The following RESF1 variants were observed in gnomAD, a reference collection of about 807,000 sequenced individuals.
RESF1 encodes the protein gonad expressed transcript.
RESF1 carries 65 observed loss-of-function variants against 134.7 expected under a neutral mutation model. The ratio of observed to expected loss-of-function variants is 0.48; its 90% CI spans 0.40 to 0.59. The LOEUF (loss-of-function observed/expected upper bound fraction) is 0.59. Ranked by LOEUF, RESF1 falls within the 20% of genes least tolerant of loss-of-function variation. RESF1 has a pLI of 0.00. For synonymous variants in RESF1, 762 were observed against 702.2 expected (o/e 1.09, Z -1.35); for missense variants, 2,274 against 2,002.7 (o/e 1.14, Z -2.59).
rs546718734 is a variant in RESF1, at chr12:31,973,013, T to A, written c.-79+2657T>A. ...TTTCTGTTTTTAATTTCTTTAACGATATTTTCACTGTATTTTTTGTAACTT... is the reference window on the plus strand; with the variant it reads ...TTTCTGTTTTTAATTTCTTTAACGAAATTTTCACTGTATTTTTTGTAACTT... On this transcript the variant is annotated intron_variant, in intron 3 of 5. Transcript: ENST00000312561. Among the ~76,000 whole-genome samples the A allele has an allele frequency of 3.3e-5, 5 of 152,288 alleles. No individual in the cohort carries two copies. In the South Asian group the frequency reaches 1.0e-3, roughly 32 times the overall value.
At chr12:31,975,604 C>A (rs12368692) in intron 3 of RESF1, among the ~76,000 whole-genome samples, 14,256 of 152,214 alleles carry the variant, frequency 0.094, 772 homozygotes, top group Non-Finnish European at 0.13. Context: ...GTAAGTATCA[C>A]CCTGGTCAAA....
chr12:31,984,535 A>G lies in RESF1; in HGVS notation c.3580A>G (p.Lys1194Glu), dbSNP rs759239156. 2.3e-5 allele frequency: 36 copies of G among 1,595,384 alleles called. No individual in the cohort carries two copies. The highest frequency in any genetic ancestry group is 3.1e-5 in the Non-Finnish European group (36 of 1,171,096). Residue 1194 changes from lysine to glutamate, a missense_variant, in exon 4 of 6, where the codon AAG (lysine) becomes GAG (glutamate). By Grantham distance (56) the Lys-to-Glu change is moderately conservative. Transcript: ENST00000312561. ...ACCCCAGTGTCAGTGTAATTCCATCAAGAACTCATCTTCAGAGGAAGAGAA... is the reference window on the plus strand; with the variant it reads ...ACCCCAGTGTCAGTGTAATTCCATCGAGAACTCATCTTCAGAGGAAGAGAA... ...GVPQCQCNSI[K>E]NSSSEEEKQK...
intron 2 of RESF1, among the ~76,000 whole-genome samples, chr12:31,962,093 G>A (rs796510512): frequency 2.6e-5 from 4 of 152,170 alleles, no homozygotes; most frequent in African/African-American, 9.6e-5. Context: ...AAAATTAGTC[G>A]GGCGTGGTGG....
At chr12:31,976,098 G>T (rs534564576) in intron 3 of RESF1, among the ~76,000 whole-genome samples, 1 of 152,252 alleles carries the variant, frequency 6.6e-6, no homozygotes, top group Non-Finnish European at 1.5e-5. Context: ...GTGGTATTGA[G>T]AGTTGAAAAA....
rs2166807 is a variant in RESF1, at chr12:31,981,704, T to A, written c.749T>A (p.Leu250Gln). Residue 250 changes from leucine (L) to glutamine (Q), a missense_variant, in exon 4 of 6, where the codon CTA (leucine) becomes CAA (glutamine). Coordinates refer to ENST00000312561, the MANE Select transcript of RESF1 (RefSeq NM_018169.4). ...TTGCAAGTTAAAAATAGTCAGCTTC[T>A]AAATTCTGTATTAACTTTACCATCA... ...TSLQVKNSQL[L>Q]NSVLTLPSRQ... The A allele has an allele frequency of 6.2e-7, 1 of 1,613,622 alleles. No individual in the cohort carries two copies. The highest frequency in any genetic ancestry group is 8.5e-7 in the Non-Finnish European group (1 of 1,180,012).
chr12:31,984,593 A>C lies in RESF1; in HGVS notation c.3638A>C (p.Asn1213Thr). The C allele has an allele frequency of 6.3e-7, 1 of 1,579,310 alleles. No homozygotes were observed. Among genetic ancestry groups the C allele is most frequent in the Non-Finnish European group, 8.6e-7 (1 of 1,167,132 alleles). ...QKEQCSPLDT[N>T]SCKQGERTSD... is the part of the protein sequence containing the mutation. ...GAGCAGTGTTCTCCTTTGGATACCA[A>C]CAGTTGTAAACAAGGAGAGAGAACT... Residue 1213 changes from asparagine to threonine, a missense_variant, in exon 4 of 6, where the codon AAC becomes ACC. Asn to Thr is a moderately conservative substitution (Grantham distance 65). Coordinates refer to ENST00000312561, the MANE Select transcript of RESF1 (RefSeq NM_018169.4).
chr12:31,982,966 G>A lies in RESF1; in HGVS notation c.2011G>A (p.Glu671Lys). 6.2e-7 allele frequency: 1 copy of A among 1,614,104 alleles called. No homozygotes were observed. The highest frequency in any genetic ancestry group is 1.7e-5 in the Admixed American group (1 of 60,018). Residue 671 changes from glutamate (E) to lysine (K), a missense_variant, in exon 4 of 6, where the codon GAA (glutamate) becomes AAA (lysine). Glu to Lys is a moderately conservative substitution (Grantham distance 56). Transcript: ENST00000312561. ...TAAAAGTGACAGTAGCTGTTCCATG[G>A]AAGTGCTAGCAACCTGTCTTTCCCT... is the stretch of plus-strand genomic sequence containing the variant. ...PAKSDSSCSM[E>K]VLATCLSLWK...
At chr12:31,963,022 G>A (rs992572745) in intron 2 of RESF1, among the ~76,000 whole-genome samples, 5 of 151,458 alleles carry the variant, frequency 3.3e-5, no homozygotes, top group Non-Finnish European at 5.9e-5. Context: ...AGCTGAGATC[G>A]CGCCACTGTA....
At chr12:31,975,029 CT>C in intron 3 of RESF1, among the ~76,000 whole-genome samples, 1 of 150,982 alleles carries the variant, frequency 6.6e-6, no homozygotes, top group Admixed American at 6.6e-5. Context: ...AATCCCAGCA[CT>C]TTGGGAGGCC....
intron 2 of RESF1, among the ~76,000 whole-genome samples, chr12:31,965,941 C>T (rs141925992): frequency 3.0e-3 from 448 of 149,316 alleles, no homozygotes; most frequent in African/African-American, 0.011. Context: ...TTTACCTCAA[C>T]ACAGTGTTGT....
intron 5 of RESF1, among the ~76,000 whole-genome samples, chr12:31,989,377 C>A (rs185627041): frequency 1.9e-3 from 201 of 106,996 alleles, no homozygotes; most frequent in African/African-American, 7.4e-3. Context: ...GCCTGGGTGA[C>A]AGAGAGAGAG....
intron 5 of RESF1, among the ~76,000 whole-genome samples, chr12:31,987,641 G>C (rs1725925577): frequency 1.3e-5 from 2 of 152,156 alleles, no homozygotes. Context: ...TGTCTGTCCT[G>C]ACTACTCAGC....
chr12:31,987,394 G>T, intron 5 of RESF1, 72 bp downstream of exon 5: 2 of 848,448 alleles, frequency 2.4e-6, no homozygotes, highest in Non-Finnish European at 3.8e-6. Flanking sequence ...TTATGGTTAT[G>T]ATATGATTGT....
rs772481164 is a variant in RESF1 at position 31,981,768 on chromosome 12, G to T, written c.813G>T (p.Thr271=). ...CTGTACCATCACAGCAGTATGCCAC[G>T]CAAACTGACAAAAGACCTCCTCCTC... The part of the protein sequence containing the change: ...TSAVPSQQYA[T]QTDKRPPPPP... The change falls in exon 4 of 6, where the codon ACG becomes ACT. Residue 271 remains threonine (T), a synonymous_variant. Coordinates refer to ENST00000312561, the MANE Select transcript of RESF1 (RefSeq NM_018169.4). 6.2e-7 allele frequency: 1 copy of T among 1,613,544 alleles called. No homozygotes were observed. Among genetic ancestry groups the T allele is most frequent in the Non-Finnish European group, 8.5e-7 (1 of 1,179,996 alleles).
chr12:31,981,555 G>C lies in RESF1; in HGVS notation c.600G>C (p.Gln200His), dbSNP rs372870031. 4 of 1,614,136 alleles carry C rather than the reference G, an allele frequency of 2.5e-6. No individual in the cohort carries two copies. The highest frequency in any genetic ancestry group is 2.7e-5 in the African/African-American group (2 of 75,062). Residue 200 changes from glutamine to histidine, a missense_variant, in exon 4 of 6, where the codon CAG (glutamine) becomes CAC (histidine). Physicochemically the swap from Gln to His is conservative, Grantham distance 24 (BLOSUM62 0). Coordinates refer to ENST00000312561, the MANE Select transcript of RESF1 (RefSeq NM_018169.4). ...AGCAACAGGTTGATTGGACACAACA[G>C]TGTATATCTAAGGGACTGACTTACC... ...FSEQQVDWTQ[Q>H]CISKGLTYPD... is the part of the protein sequence containing the mutation.
chr12:31,965,098 A>G (rs140093451), intron 2 of RESF1, among the ~76,000 whole-genome samples: 2 of 152,252 alleles, frequency 1.3e-5, no homozygotes, highest in African/African-American at 4.8e-5. Flanking sequence ...CTAGGATTAC[A>G]GACACTTGCC....
At position 31,983,612 on chromosome 12, in the gene RESF1, G is replaced by T; in HGVS notation, c.2657G>T (p.Ser886Ile). Residue 886 changes from serine to isoleucine, a missense_variant, in exon 4 of 6, where the codon AGT (serine) becomes ATT (isoleucine). Coordinates refer to ENST00000312561, the MANE Select transcript of RESF1 (RefSeq NM_018169.4). Reference sequence around the variant, plus strand: ...GAGTCAAGGAATAGTACTGTTGTGAGTAGTGATACATTACAGATTGACAAT... The same window carrying T: ...GAGTCAAGGAATAGTACTGTTGTGATTAGTGATACATTACAGATTGACAAT... ...SQESRNSTVVSSDTLQIDNIC... is the reference protein window; with the variant it reads ...SQESRNSTVVISDTLQIDNIC... 1 of 1,614,078 alleles carries T rather than the reference G, an allele frequency of 6.2e-7. No homozygotes were observed. Among genetic ancestry groups the T allele is most frequent in the Non-Finnish European group, 8.5e-7 (1 of 1,179,964 alleles).
rs1939842157 is a variant in RESF1 at position 31,982,916 on chromosome 12, A to T, written c.1961A>T (p.Glu654Val). The change falls in exon 4 of 6, where the codon GAA becomes GTA. Residue 654 changes from glutamate to valine, a missense_variant. Transcript: ENST00000312561. ...GACAACTCCTTTTGCAGTGGACAAG[A>T]ATCCTCAACAAAAGGAATGCCTGCT... ...VLDNSFCSGQ[E>V]SSTKGMPAKS... 6.2e-7 allele frequency: 1 copy of T among 1,614,000 alleles called. No homozygotes were observed. The highest frequency in any genetic ancestry group is 8.5e-7 in the Non-Finnish European group (1 of 1,180,028).
In RESF1 at chr12:31,984,364, G is replaced by A; in HGVS notation, c.3409G>A (p.Glu1137Lys). The change falls in exon 4 of 6, where the codon GAA becomes AAA. Residue 1137 changes from glutamate (E) to lysine (K), a missense_variant. By Grantham distance (56) the Glu-to-Lys change is moderately conservative (BLOSUM62 1). Transcript: ENST00000312561. ...VVDKLAEPQKEEPITEVVSQC... is the reference protein window; with the variant it reads ...VVDKLAEPQKKEPITEVVSQC... ...AGACAAGTTGGCAGAACCTCAGAAA[G>A]AAGAGCCCATCACAGAAGTAGTTAG... 1.2e-6 allele frequency: 2 copies of A among 1,614,152 alleles called. No individual in the cohort carries two copies. The highest frequency in any genetic ancestry group is 1.7e-6 in the Non-Finnish European group (2 of 1,180,016).
Sources: allele counts gnomAD v4.1 joint callset (sites outside exome capture counted in the v4.1 genomes callset), GRCh38; gene constraint gnomAD v4.1.1; transcripts MANE v1.5; gene names NCBI Gene and HGNC (gene_info 2026-07-23, HGNC 2026-07-21).